The following GABPB1 variants were observed in gnomAD, a reference collection of about 807,000 sequenced individuals.
The protein encoded by GABPB1 is GA-binding protein subunit beta-1.
A neutral mutation model predicts 45.9 loss-of-function variants in GABPB1; 15 were observed. The ratio of observed to expected loss-of-function variants is 0.33; its 90% CI spans 0.22 to 0.50. GABPB1 has a LOEUF of 0.50. GABPB1 is among the 20% of genes least tolerant of loss of function. The probability of loss-of-function intolerance (pLI) is 0.98; values close to 1 mark genes in which losing one functional copy is unlikely to be tolerated. For missense variants in GABPB1, 252 were observed against 457.5 expected (o/e 0.55, Z 4.10); for synonymous variants, 143 against 154.4 (o/e 0.93, Z 0.55).
At chr15:50,324,412 T>A (rs2047676866) in intron 1 of GABPB1, among the ~76,000 whole-genome samples, 1 of 151,908 alleles carries the variant, frequency 6.6e-6, no homozygotes. Flanking sequence ...AAAACCAAGG[T>A]TTGGAAAAGT....
intron 8 of GABPB1, among the ~76,000 whole-genome samples, chr15:50,280,259 A>C (rs1213768988): frequency 6.6e-6 from 1 of 152,152 alleles, no homozygotes; most frequent in Non-Finnish European, 1.5e-5. Flanking sequence ...TCCTAAATCC[A>C]GCCAAGATAG....
intron 1 of GABPB1, among the ~76,000 whole-genome samples, chr15:50,311,451 T>C (rs890485148): frequency 6.6e-6 from 1 of 152,182 alleles, no homozygotes; most frequent in Non-Finnish European, 1.5e-5. Flanking sequence ...AATGGCAGGT[T>C]GATTAGTGTA....
At chr15:50,341,351 G>A (rs1478551712) in intron 1 of GABPB1, among the ~76,000 whole-genome samples, 1 of 152,042 alleles carries the variant, frequency 6.6e-6, no homozygotes, top group African/African-American at 2.4e-5. Flanking sequence ...TGACCAACAT[G>A]GAGAAACCCC....
intron 1 of GABPB1, chr15:50,354,698 C>G (rs2049023446): frequency 2.7e-6 from 1 of 369,848 alleles, no homozygotes; most frequent in Admixed American, 3.7e-5. Flanking sequence ...CCGCGGCATG[C>G]TAGGGCCGAG....
At chr15:50,298,079 T>C (rs1315192236) in intron 6 of GABPB1, among the ~76,000 whole-genome samples, 2 of 152,092 alleles carry the variant, frequency 1.3e-5, no homozygotes, top group African/African-American at 4.8e-5. Context: ...GATATATGTG[T>C]TTTTGTTTTC....
chr15:50,326,416 G>T (rs1459711939), intron 1 of GABPB1, among the ~76,000 whole-genome samples: 1 of 152,056 alleles, frequency 6.6e-6, no homozygotes, highest in Non-Finnish European at 1.5e-5. Context: ...CCAGCACTTT[G>T]GGAGGCTGAG....
intron 8 of GABPB1, among the ~76,000 whole-genome samples, chr15:50,280,770 A>G (rs2045948116): frequency 6.6e-6 from 1 of 152,078 alleles, no homozygotes; most frequent in African/African-American, 2.4e-5. Flanking sequence ...AAGAGAAAAC[A>G]AACAAAAACT....
At chr15:50,307,468 C>A (rs2046986780) in intron 2 of GABPB1, among the ~76,000 whole-genome samples, 1 of 152,020 alleles carries the variant, frequency 6.6e-6, no homozygotes. Flanking sequence ...CTTTGGGAGG[C>A]CGAGGCGGGC....
At chr15:50,324,606 G>A (rs1255660098) in intron 1 of GABPB1, among the ~76,000 whole-genome samples, 3 of 150,480 alleles carry the variant, frequency 2.0e-5, no homozygotes, top group Admixed American at 6.6e-5. Flanking sequence ...GTGCAGTGGG[G>A]CAATCTCGGC....
intron 6 of GABPB1, among the ~76,000 whole-genome samples, chr15:50,295,604 C>A: frequency 6.8e-6 from 1 of 146,948 alleles, no homozygotes. Context: ...TAAGAAAATA[C>A]ATATCTGTAA....
intron 1 of GABPB1, among the ~76,000 whole-genome samples, chr15:50,343,403 G>A (rs2048453905): frequency 6.6e-6 from 1 of 152,078 alleles, no homozygotes; most frequent in Non-Finnish European, 1.5e-5. Context: ...CGCACTTTAG[G>A]GTCTAGCACA....
intron 8 of GABPB1, chr15:50,282,329 TG>T (rs1567472029): frequency 2.2e-6 from 1 of 454,072 alleles, no homozygotes; most frequent in East Asian, 7.1e-5. Context: ...GAGGCTGAGG[TG>T]GGAGGATCAC....
At chr15:50,334,073 T>C (rs550247143) in intron 1 of GABPB1, among the ~76,000 whole-genome samples, 1 of 151,796 alleles carries the variant, frequency 6.6e-6, no homozygotes, top group African/African-American at 2.4e-5. Flanking sequence ...AGAAAAGTCA[T>C]CTATTACTCT....
In GABPB1 at chr15:50,316,317, TA is replaced by T. The variant is rs148047728; in HGVS notation, c.1-6520del. Reference sequence around the variant, plus strand: ...TAGTCTATTTTGTTTTGAATTTCCGTAATTTACAGCTTATAGAGTTGTTGTG... The same window carrying T: ...TAGTCTATTTTGTTTTGAATTTCCGTATTTACAGCTTATAGAGTTGTTGTG... On this transcript the variant is annotated intron_variant, in intron 1 of 8. Coordinates refer to ENST00000380877, the MANE Select transcript of GABPB1 (RefSeq NM_016654.5). Among the ~76,000 whole-genome samples the T allele has an allele frequency of 5.4e-3, 824 of 152,326 alleles. 6 individuals are homozygous for T. The highest frequency in any genetic ancestry group is 0.019 in the African/African-American group (789 of 41,578).
intron 1 of GABPB1, among the ~76,000 whole-genome samples, chr15:50,310,686 T>C (rs1308120713): frequency 1.3e-5 from 2 of 152,156 alleles, no homozygotes; most frequent in African/African-American, 2.4e-5. Flanking sequence ...ACTGTCTCAT[T>C]AGAGGCTAGA....
chr15:50,291,063 G>A (rs2046327419), intron 6 of GABPB1, among the ~76,000 whole-genome samples: 1 of 152,230 alleles, frequency 6.6e-6, no homozygotes, highest in African/African-American at 2.4e-5. Context: ...ACAGCAATTT[G>A]ACTATATGCA....
intron 1 of GABPB1, among the ~76,000 whole-genome samples, chr15:50,313,727 G>A (rs781310019): frequency 1.3e-5 from 2 of 151,846 alleles, no homozygotes; most frequent in African/African-American, 2.4e-5. Context: ...TCTTTTTAAC[G>A]TCAAAATATG....
chr15:50,289,762 T>C (rs1595739929), intron 6 of GABPB1, 94 bp from the exon 7 acceptor site: 2 of 855,038 alleles, frequency 2.3e-6, no homozygotes, highest in Non-Finnish European at 3.5e-6. Flanking sequence ...TTTCTATGCT[T>C]CTTTCTTTTC....
At chr15:50,301,463 T>C in intron 4 of GABPB1, 95 bp from the exon 5 acceptor site, 1 of 1,125,090 alleles carries the variant, frequency 8.9e-7, no homozygotes, top group Non-Finnish European at 1.3e-6. Flanking sequence ...AGGAGTATTC[T>C]CTAAGAAGAA....
Sources: allele counts gnomAD v4.1 joint callset (sites outside exome capture counted in the v4.1 genomes callset), GRCh38; gene constraint gnomAD v4.1.1; transcripts MANE v1.5; gene names NCBI Gene and HGNC (gene_info 2026-07-23, HGNC 2026-07-21).